Variants in KCMF1 observed in about 807,000 individuals in gnomAD.
The protein encoded by KCMF1 is E3 ubiquitin-protein ligase KCMF1.
Under a neutral mutation model 41.1 loss-of-function variants are expected in KCMF1, and 3 were observed. The ratio of observed to expected loss-of-function variants is 0.07; its 90% CI spans 0.03 to 0.19. KCMF1 has a LOEUF of 0.19. Among genes scored for constraint, KCMF1 ranks in the 10% least tolerant of loss-of-function variants. KCMF1 has a pLI of 1.00. For missense variants in KCMF1, 286 were observed against 488.9 expected, an observed-to-expected ratio of 0.58 and a Z score of 3.91; for synonymous variants, 142 against 164.5, an observed-to-expected ratio of 0.86 and a Z score of 1.04.
chr2:85,028,581 C>A (rs1333717818), intron 2 of KCMF1, among the ~76,000 whole-genome samples: 5 of 150,976 alleles, frequency 3.3e-5, no homozygotes, highest in Admixed American at 3.3e-4. Flanking sequence ...CCTCCACCCC[C>A]CAGGTTCAAG....
intron 1 of KCMF1, among the ~76,000 whole-genome samples, chr2:84,973,041 A>G (rs989528293): frequency 1.3e-5 from 2 of 152,208 alleles, no homozygotes; most frequent in East Asian, 1.9e-4. Flanking sequence ...TCAGTTTTCA[A>G]TTTGGGATAT....
intron 1 of KCMF1, among the ~76,000 whole-genome samples, chr2:84,992,640 G>GT (rs1448976205): frequency 6.8e-6 from 1 of 148,110 alleles, no homozygotes; most frequent in Non-Finnish European, 1.5e-5. Context: ...TTTGTTTTTT[G>GT]TTTTTTTCTT....
intron 1 of KCMF1, among the ~76,000 whole-genome samples, chr2:85,008,335 A>ATCATATATATC (rs1558573516): frequency 1.3e-4 from 2 of 14,986 alleles, no homozygotes; most frequent in Non-Finnish European, 2.4e-4. Context: ...TATAATATAT[A>ATCATATATATC]ATATGATATA....
chr2:85,009,241 T>C (rs1277126057), intron 1 of KCMF1, among the ~76,000 whole-genome samples: 1 of 152,186 alleles, frequency 6.6e-6, no homozygotes, highest in Non-Finnish European at 1.5e-5. Flanking sequence ...TCTCTCCTGC[T>C]CCACCATTGT....
chr2:84,981,789 GTTTT>G (rs924905315), intron 1 of KCMF1, among the ~76,000 whole-genome samples: 7 of 151,806 alleles, frequency 4.6e-5, no homozygotes, highest in South Asian at 2.1e-4. Context: ...TTGTTTGTTT[GTTTT>G]TTTGAGATGG....
chr2:85,017,716 T>C (rs1057087665), intron 1 of KCMF1, among the ~76,000 whole-genome samples: 1 of 152,162 alleles, frequency 6.6e-6, no homozygotes. Flanking sequence ...ACTTGCCCTT[T>C]GTTGACCTTT....
chr2:85,008,409 T>TGA lies in KCMF1; in HGVS notation c.17-19480_17-19479insGA, dbSNP rs1558573734. 3.0e-4 allele frequency among the ~76,000 whole-genome samples: 38 copies of TGA among 127,310 alleles called. 1 individual carries two copies. The East Asian group carries it at 6.3e-3, about 21-fold the overall frequency. 83.5% of individuals were successfully genotyped at this position (127,310 alleles called of 152,430 possible). ...TATATGATATATATTATATATCATA[T>TGA]TATATATTATGTGATATATATGATA... On this transcript the variant is annotated intron_variant, in intron 1 of 6. Transcript: ENST00000409785.
rs1159752981 is a variant in KCMF1 at position 85,058,406 on chromosome 2, CCATGTGGGCCG to C, written c.*5004_*5014del. The C allele has an allele frequency of 6.6e-6, 1 of 152,178 alleles. No homozygotes were observed. The highest frequency in any genetic ancestry group is 1.9e-4 in the East Asian group (1 of 5,188). The allele number at this position is 152,178 out of a possible 1,614,324, so 9.4% of individuals were successfully genotyped here. A position where few individuals can be genotyped will look rare whatever the true frequency, so the allele number is the denominator to read the frequency against. On this transcript the variant is annotated 3_prime_UTR_variant, in exon 7 of 7. Transcript: ENST00000409785. ...AAAACAAAAAAAAAAGAAAGAAAAC[CCATGTGGGCCG>C]CATGTGCACAGCCTGGGGCTGCTTT... is the stretch of plus-strand genomic sequence containing the variant.
intron 1 of KCMF1, among the ~76,000 whole-genome samples, chr2:84,997,679 G>T (rs1357866678): frequency 6.6e-6 from 1 of 151,984 alleles, no homozygotes; most frequent in Non-Finnish European, 1.5e-5. Context: ...CATCTATAAG[G>T]GTTGAAAGGC....
chr2:85,049,978 A>G (rs1343921673), intron 6 of KCMF1, among the ~76,000 whole-genome samples: 3 of 152,192 alleles, frequency 2.0e-5, no homozygotes, highest in South Asian at 4.1e-4. Flanking sequence ...GGGTAACATG[A>G]TGAAATCTTA....
intron 2 of KCMF1, among the ~76,000 whole-genome samples, chr2:85,031,505 T>G (rs187655213): frequency 6.6e-5 from 10 of 152,330 alleles, no homozygotes; most frequent in Admixed American, 2.0e-4. Flanking sequence ...CAGTGCGGTC[T>G]TCAATAAATT....
At chr2:85,027,691 A>G (rs369682921) in intron 1 of KCMF1, among the ~76,000 whole-genome samples, 198 bp from the exon 2 acceptor site, 1 of 152,198 alleles carries the variant, frequency 6.6e-6, no homozygotes, top group East Asian at 1.9e-4. Flanking sequence ...CAGTCATTTT[A>G]AATTATTTTC....
chr2:85,008,298 A>ATATTATATATGATATATAATATATATC lies in KCMF1; in HGVS notation c.17-19591_17-19590insTATTATATATGATATATAATATATATC, dbSNP rs1558573393. ...ATATAATATGATATATAATATATAT[A>ATATTATATATGATATATAATATATATC]ATATATAATATGATATATATATCAT... On this transcript the variant is annotated intron_variant, in intron 1 of 6. Transcript: ENST00000409785. Among the ~76,000 whole-genome samples the ATATTATATATGATATATAATATATATC allele has an allele frequency of 2.2e-3, 175 of 77,892 alleles. 5 individuals carry two copies. Among genetic ancestry groups the ATATTATATATGATATATAATATATATC allele is most frequent in the African/African-American group, 0.011 (170 of 15,480 alleles). 51.1% of individuals were successfully genotyped at this position (77,892 alleles called of 152,430 possible).
intron 1 of KCMF1, 32 bp from the exon 2 acceptor site, chr2:85,027,857 C>A: frequency 6.8e-7 from 1 of 1,465,588 alleles, no homozygotes; most frequent in Non-Finnish European, 9.3e-7. Flanking sequence ...GCCTTTACAA[C>A]TGGTAACTAA....
chr2:85,030,604 T>C (rs369426365), intron 2 of KCMF1, among the ~76,000 whole-genome samples: 4 of 152,222 alleles, frequency 2.6e-5, no homozygotes, highest in Non-Finnish European at 4.4e-5. Context: ...CTTTACCCAA[T>C]GCATTGTCTT....
chr2:85,000,282 T>A (rs1171109889), intron 1 of KCMF1, among the ~76,000 whole-genome samples: 1 of 152,090 alleles, frequency 6.6e-6, no homozygotes, highest in Non-Finnish European at 1.5e-5. Flanking sequence ...CCCGCTACCA[T>A]GCCCAGCTAA....
intron 2 of KCMF1, among the ~76,000 whole-genome samples, chr2:85,030,973 C>T (rs556172189): frequency 2.6e-5 from 4 of 152,352 alleles, no homozygotes; most frequent in Non-Finnish European, 4.4e-5. Flanking sequence ...GCTGAGATTG[C>T]AGGCGTGAGC....
chr2:84,992,298 C>T (rs527636025), intron 1 of KCMF1, among the ~76,000 whole-genome samples: 1 of 152,158 alleles, frequency 6.6e-6, no homozygotes, highest in Non-Finnish European at 1.5e-5. Flanking sequence ...CTCTGTCGCC[C>T]AGGCTGGAGT....
At chr2:85,008,292 A>G (rs1221116016) in intron 1 of KCMF1, among the ~76,000 whole-genome samples, 1 of 6,824 alleles carries the variant, frequency 1.5e-4, no homozygotes, top group Non-Finnish European at 4.1e-4. Context: ...GATATATAAT[A>G]TATATAATAT....
Sources: allele counts gnomAD v4.1 joint callset (sites outside exome capture counted in the v4.1 genomes callset), GRCh38; gene constraint gnomAD v4.1.1; transcripts MANE v1.5; gene names NCBI Gene and HGNC (gene_info 2026-07-23, HGNC 2026-07-21).